SPATC1L: variants seen among roughly 807,000 people sequenced by gnomAD.
SPATC1L encodes the protein spermatogenesis and centriole associated 1 like.
Under a neutral mutation model 21.2 loss-of-function variants are expected in SPATC1L, and 20 were observed. The observed-to-expected ratio is 0.94, with a 90% CI of 0.66 to 1.37. The LOEUF is 1.37. Ranked by LOEUF, SPATC1L falls within the 40% of genes most tolerant of loss-of-function variation. The pLI is 0.00. For missense variants in SPATC1L, 499 were observed against 478.7 expected (o/e 1.04, Z -0.40); for synonymous variants, 290 against 234.5 (o/e 1.24, Z -2.16).
intron 3 of SPATC1L, among the ~76,000 whole-genome samples, chr21:46,163,992 T>C (rs2079521493): frequency 6.6e-6 from 1 of 151,918 alleles, no homozygotes; most frequent in Non-Finnish European, 1.5e-5. Context: ...GTTTTTCTGT[T>C]TATTTATTTA....
In SPATC1L at chr21:46,179,683, A is replaced by G. The variant is rs1007758752; in HGVS notation, c.193+2941T>C. Among the ~76,000 whole-genome samples, 5 of 152,188 alleles carry G rather than the reference A, an allele frequency of 3.3e-5. No homozygotes were observed. In the East Asian group the frequency reaches 9.6e-4, roughly 29 times the overall value. On this transcript the variant is annotated intron_variant, in intron 2 of 4. Coordinates refer to ENST00000291672, the MANE Select transcript of SPATC1L (RefSeq NM_001142854.2). ...AATCATCTGACAATCCACCACCAAC[A>G]ACTAGGGAGCGAGTGGGCAATCTGG...
chr21:46,161,181 A>AG lies in SPATC1L; in HGVS notation c.*197dup. ...GACATGCAAACGGATGATTTTAATG[A>AG]GGGGTGAGAAGCACTCCGCAGGTGC... On this transcript the variant is annotated 3_prime_UTR_variant, in exon 5 of 5. Transcript: ENST00000291672. 6.9e-6 allele frequency: 3 copies of AG among 434,952 alleles called. No individual in the cohort carries two copies. The highest frequency in any genetic ancestry group is 1.2e-5 in the Non-Finnish European group (3 of 253,674). 26.9% of individuals were successfully genotyped at this position (434,952 alleles called of 1,614,324 possible). A position where few individuals can be genotyped will look rare whatever the true frequency, so the allele number is the denominator to read the frequency against.
Position 46,161,958 on chromosome 21 carries a change from G to A in SPATC1L, c.654C>T (p.Leu218=), listed in dbSNP as rs759790519. Residue 218 remains leucine, a synonymous_variant, in exon 4 of 5, where the codon CTC becomes CTT. Transcript: ENST00000291672. The part of the protein sequence containing the change: ...LAYVFPGVTR[L]YGFTVANIPE... ...GGATGTTGGCCACCGTGAAGCCGTAGAGCCGCGTCACGCCCGGGAACACGT... is the reference window on the plus strand; with the variant it reads ...GGATGTTGGCCACCGTGAAGCCGTAAAGCCGCGTCACGCCCGGGAACACGT... The A allele has an allele frequency of 2.5e-6, 4 of 1,608,302 alleles. No individual in the cohort carries two copies. Among genetic ancestry groups the A allele is most frequent in the Middle Eastern group, 1.7e-4 (1 of 6,058 alleles).
At chr21:46,184,065 G>A (rs1020288757) in intron 1 of SPATC1L, among the ~76,000 whole-genome samples, 4 of 151,438 alleles carry the variant, frequency 2.6e-5, no homozygotes, top group African/African-American at 7.3e-5. Flanking sequence ...CCTGAGGGCT[G>A]GGCTGGAGGC....
rs1006278329 is a variant in SPATC1L at position 46,163,116 on chromosome 21, A to G, written c.545-1049T>C. Reference sequence around the variant, plus strand: ...CTTTTCACGTGCTTATTGGCCATTTATATACTGTATCTTCTTTGGAGAAAT... The same window carrying G: ...CTTTTCACGTGCTTATTGGCCATTTGTATACTGTATCTTCTTTGGAGAAAT... On this transcript the variant is annotated intron_variant, in intron 3 of 4. Coordinates refer to ENST00000291672, the MANE Select transcript of SPATC1L (RefSeq NM_001142854.2). 2.6e-5 allele frequency among the ~76,000 whole-genome samples: 4 copies of G among 152,190 alleles called. No individual in the cohort carries two copies. The East Asian group carries it at 7.7e-4, about 29-fold the overall frequency.
In SPATC1L at chr21:46,161,789, G is replaced by T. The variant is rs184341305; in HGVS notation, c.697-84C>A. 1.2e-5 allele frequency: 18 copies of T among 1,483,096 alleles called. No homozygotes were observed. In the East Asian group the frequency reaches 3.7e-4, roughly 30 times the overall value. The allele number at this position is 1,483,096 out of a possible 1,614,324, so 91.9% of individuals were successfully genotyped here. ...CAGGCCCAGGGCCGATCCCTGCCCC[G>T]CCCGCCTGGGTCCCCGGGGTCCCCT... On this transcript the variant is annotated intron_variant, in intron 4 of 4. Coordinates refer to ENST00000291672, the MANE Select transcript of SPATC1L (RefSeq NM_001142854.2).
chr21:46,161,749 TCGGACG>T, intron 4 of SPATC1L, 44 bp from the exon 5 acceptor site: 1 of 1,508,476 alleles, frequency 6.6e-7, no homozygotes, highest in Non-Finnish European at 8.9e-7. Flanking sequence ...CTCGGGGCCC[TCGGACG>T]GGGACTTCCA....
Position 46,162,032 on chromosome 21 carries a change from G to A in SPATC1L, c.580C>T (p.Arg194Cys), listed in dbSNP as rs751537273. 11 of 1,592,926 alleles carry A rather than the reference G, an allele frequency of 6.9e-6. No individual in the cohort carries two copies. The highest frequency in any genetic ancestry group is 3.4e-5 in the South Asian group (3 of 88,756). ...TGGAAGGCGATCTCGCCCACCACGCGCGCGTCCTTCTCGGCGCCCGCGAAG... is the reference window on the plus strand; with the variant it reads ...TGGAAGGCGATCTCGCCCACCACGCACGCGTCCTTCTCGGCGCCCGCGAAG... ...QSFAGAEKDA[R>C]VVGEIAFQLD... The change falls in exon 4 of 5, where the codon CGC becomes TGC. Residue 194 changes from arginine to cysteine, a missense_variant. Arg to Cys is a radical substitution (Grantham distance 180). Transcript: ENST00000291672.
Position 46,162,995 on chromosome 21 carries a change from G to A in SPATC1L, c.545-928C>T, listed in dbSNP as rs77283605. On this transcript the variant is annotated intron_variant, in intron 3 of 4. Coordinates refer to ENST00000291672, the MANE Select transcript of SPATC1L (RefSeq NM_001142854.2). ...CCCAGGACAGCCTCTGATGGCATCC[G>A]AGTCCGTAACAGCACATGACCTTGT... Among the ~76,000 whole-genome samples the A allele has an allele frequency of 2.8e-3, 419 of 152,306 alleles. 18 individuals carry two copies. The East Asian group carries it at 0.061, about 22-fold the overall frequency.
intron 2 of SPATC1L, among the ~76,000 whole-genome samples, chr21:46,172,431 G>T (rs76698352): frequency 1.3e-5 from 2 of 152,172 alleles, no homozygotes; most frequent in African/African-American, 2.4e-5. Flanking sequence ...CACAAACACC[G>T]AACAAGATGA....
intron 1 of SPATC1L, among the ~76,000 whole-genome samples, chr21:46,183,975 G>A (rs2079703629): frequency 9.0e-6 from 1 of 111,156 alleles, no homozygotes; most frequent in South Asian, 3.1e-4. Context: ...CAGTCTTGCG[G>A]GGGAGACCAG....
In SPATC1L at chr21:46,168,219, C is replaced by T. The variant is rs9974756; in HGVS notation, c.544+89G>A. On this transcript the variant is annotated intron_variant, in intron 3 of 4. Transcript: ENST00000291672. ...CACTCTGTGTGACTGGATGGAGAAA[C>T]GGCCCTGCCTGACCACCCAGTCATG... 4,900 of 844,896 alleles carry T rather than the reference C, an allele frequency of 5.8e-3. 192 individuals carry two copies. The African/African-American group carries it at 0.074, about 13-fold the overall frequency. 52.3% of individuals were successfully genotyped at this position (844,896 alleles called of 1,614,324 possible).
Position 46,161,896 on chromosome 21 carries a change from G to T in SPATC1L, c.696+20C>A. The T allele has an allele frequency of 6.2e-7, 1 of 1,601,626 alleles. No individual in the cohort carries two copies. Among genetic ancestry groups the T allele is most frequent in the Non-Finnish European group, 8.5e-7 (1 of 1,178,490 alleles). The stretch of plus-strand genomic sequence containing the variant: ...GAGCGCCCCGCACCCTCCTGGCCGC[G>T]CCCTCCCCACGGGGCGCACCTGCTC... On this transcript the variant is annotated intron_variant, in intron 4 of 4. Transcript: ENST00000291672.
chr21:46,172,771 C>T (rs2079603381), intron 2 of SPATC1L, among the ~76,000 whole-genome samples: 1 of 152,206 alleles, frequency 6.6e-6, no homozygotes, highest in South Asian at 2.1e-4. Context: ...GAGCTTCTAA[C>T]ACATCTTCAG....
chr21:46,172,123 G>GT (rs796922400), intron 2 of SPATC1L, among the ~76,000 whole-genome samples: 2 of 138,578 alleles, frequency 1.4e-5, no homozygotes, highest in Non-Finnish European at 1.6e-5. Context: ...TGAGGCGGGG[G>GT]ATGCACAGAG....
chr21:46,183,618 T>C lies in SPATC1L; in HGVS notation c.-802A>G, dbSNP rs2079698804. 1.4e-5 allele frequency: 1 copy of C among 72,744 alleles called. No homozygotes were observed. Among genetic ancestry groups the C allele is most frequent in the South Asian group, 3.3e-4 (1 of 3,054 alleles). 4.5% of individuals were successfully genotyped at this position (72,744 alleles called of 1,614,324 possible). A position where few individuals can be genotyped will look rare whatever the true frequency, so the allele number is the denominator to read the frequency against. ...ACCAGCCTGGGGGAGGAGACCAGCC[T>C]TGTGGGGGAGACCAGCCTGCGGGGG... is the stretch of plus-strand genomic sequence containing the variant. On this transcript the variant is annotated 5_prime_UTR_variant, in exon 2 of 5. Coordinates refer to ENST00000291672, the MANE Select transcript of SPATC1L (RefSeq NM_001142854.2).
rs780707321 is a variant in SPATC1L at position 46,168,627 on chromosome 21, G to A, written c.225C>T (p.Ala75=). Residue 75 remains alanine (A), a synonymous_variant, in exon 3 of 5, where the codon GCC becomes GCT. Coordinates refer to ENST00000291672, the MANE Select transcript of SPATC1L (RefSeq NM_001142854.2). ...VPDFGRFTSV[A]DTPSQLQTSS... is the part of the protein sequence containing the mutation. ...ATGTCTGCAGTTGGGAGGGCGTGTC[G>A]GCAACACTCGTGAACCTTCCGAAAT... The A allele has an allele frequency of 6.3e-5, 89 of 1,411,716 alleles. 1 individual carries two copies. In the Admixed American group the frequency reaches 6.6e-4, roughly 11 times the overall value. 87.4% of individuals were successfully genotyped at this position (1,411,716 alleles called of 1,614,324 possible).
At chr21:46,162,433 C>T (rs1034818613) in intron 3 of SPATC1L, among the ~76,000 whole-genome samples, 34 of 152,088 alleles carry the variant, frequency 2.2e-4, no homozygotes, top group African/African-American at 7.5e-4. Flanking sequence ...CCAGTGAGGA[C>T]GCCCGTGGAA....
intron 3 of SPATC1L, among the ~76,000 whole-genome samples, chr21:46,167,747 G>A (rs910952002): frequency 2.6e-5 from 4 of 152,170 alleles, no homozygotes; most frequent in African/African-American, 9.7e-5. Flanking sequence ...AGGCTGGCCT[G>A]AGCCTCAGGT....
Sources: allele counts gnomAD v4.1 joint callset (sites outside exome capture counted in the v4.1 genomes callset), GRCh38; gene constraint gnomAD v4.1.1; transcripts MANE v1.5; gene names NCBI Gene and HGNC (gene_info 2026-07-23, HGNC 2026-07-21).